The following MEF2C variants were observed in gnomAD, a reference collection of about 807,000 sequenced individuals.
The protein encoded by MEF2C is myocyte enhancer factor 2C, also known as myocyte-specific enhancer factor 2C.
MEF2C carries 6 observed loss-of-function variants against 50.5 expected under a neutral mutation model. The ratio of observed to expected loss-of-function variants is 0.12; its 90% CI spans 0.07 to 0.23. The LOEUF (loss-of-function observed/expected upper bound fraction) is 0.23, where lower values mean the gene tolerates loss of function less well. MEF2C is among the 10% of genes least tolerant of loss of function. The probability of loss-of-function intolerance (pLI) is 1.00; values close to 1 mark genes in which losing one functional copy is unlikely to be tolerated. For synonymous variants in MEF2C, 183 were observed against 228.0 expected, an observed-to-expected ratio of 0.80 and a Z score of 1.78; for missense variants, 276 against 605.0, an observed-to-expected ratio of 0.46 and a Z score of 5.70.
intron 1 of MEF2C, among the ~76,000 whole-genome samples, chr5:88,842,848 A>C (rs1817878903): frequency 6.6e-6 from 1 of 152,176 alleles, no homozygotes; most frequent in African/African-American, 2.4e-5. Flanking sequence ...TTAGGATCTC[A>C]ATAATTTGTG....
At chr5:88,742,599 A>G in intron 6 of MEF2C, 1 of 983,810 alleles carries the variant, frequency 1.0e-6, no homozygotes, top group Non-Finnish European at 1.2e-6. Flanking sequence ...CTCTCTAGGA[A>G]GTTATAACCT....
intron 2 of MEF2C, chr5:88,819,361 C>T (rs76466192): frequency 0.021 from 21,156 of 985,010 alleles, 258 homozygotes; most frequent in East Asian, 0.042. Context: ...AATCTTGAGC[C>T]AGTTATTTAG....
At chr5:88,872,963 A>G (rs886361797) in intron 1 of MEF2C, among the ~76,000 whole-genome samples, 3 of 151,980 alleles carry the variant, frequency 2.0e-5, no homozygotes, top group Admixed American at 2.0e-4. Context: ...GCTTGTTTAA[A>G]CGATCTTCTC....
chr5:88,891,645 C>T (rs1206791695), intron 1 of MEF2C, among the ~76,000 whole-genome samples: 3 of 152,008 alleles, frequency 2.0e-5, no homozygotes, highest in Admixed American at 6.6e-5. Context: ...CTCCTGACCT[C>T]GTGATCTGCC....
intron 6 of MEF2C, chr5:88,737,948 T>C: frequency 1.0e-6 from 1 of 985,184 alleles, no homozygotes; most frequent in Non-Finnish European, 1.2e-6. Flanking sequence ...ATGATGGCAG[T>C]GGAAAGGAGA....
chr5:88,863,726 T>G (rs1826270019), intron 1 of MEF2C, among the ~76,000 whole-genome samples: 1 of 152,202 alleles, frequency 6.6e-6, no homozygotes, highest in East Asian at 1.9e-4. Flanking sequence ...CACGTACAAA[T>G]GAGATCACAC....
In MEF2C at chr5:88,889,752, A is replaced by G. The variant is rs1008209033; in HGVS notation, c.-239-2154T>C. Among the ~76,000 whole-genome samples, 3 of 152,120 alleles carry G rather than the reference A, an allele frequency of 2.0e-5. No individual in the cohort carries two copies. The East Asian group carries it at 5.8e-4, about 29-fold the overall frequency. ...CGCAACGGCTGTGGGTGGACTGTGG[A>G]AACGGGCGGTGGCAGTGCCGGGGTA... is the stretch of plus-strand genomic sequence containing the variant. On this transcript the variant is annotated intron_variant, in intron 1 of 11. Transcript: ENST00000340208.
intron 4 of MEF2C, among the ~76,000 whole-genome samples, chr5:88,754,205 G>A (rs1774169200): frequency 6.6e-6 from 1 of 152,154 alleles, no homozygotes; most frequent in South Asian, 2.1e-4. Flanking sequence ...TTTTTATAGT[G>A]GCATCATCCT....
chr5:88,786,781 G>C (rs148232077), intron 3 of MEF2C, among the ~76,000 whole-genome samples: 14 of 152,244 alleles, frequency 9.2e-5, no homozygotes, highest in African/African-American at 2.4e-4. Context: ...TGGGAAAAAT[G>C]GTTCTCAGAT....
At chr5:88,884,508 T>C (rs1055603870), upstream of MEF2C, 5 of 152,184 alleles carry the variant, frequency 3.3e-5, no homozygotes, top group Non-Finnish European at 5.9e-5. Context: ...AGATCTCGAC[T>C]TCATCGCGGG....
chr5:88,859,056 G>A (rs1355816999), intron 1 of MEF2C, among the ~76,000 whole-genome samples: 3 of 152,142 alleles, frequency 2.0e-5, no homozygotes, highest in African/African-American at 7.2e-5. Context: ...TACTGGTTAT[G>A]GCAAACTTGA....
intron 1 of MEF2C, among the ~76,000 whole-genome samples, chr5:88,879,967 T>G (rs970602677): frequency 4.6e-5 from 7 of 151,998 alleles, no homozygotes; most frequent in Non-Finnish European, 8.8e-5. Context: ...CCTGGTTTTG[T>G]GAATCACCTC....
chr5:88,796,144 C>T (rs1487957472), intron 3 of MEF2C, among the ~76,000 whole-genome samples: 1 of 152,162 alleles, frequency 6.6e-6, no homozygotes, highest in African/African-American at 2.4e-5. Context: ...CAGGATGATG[C>T]TGGCCTCATA....
At chr5:88,783,051 T>C (rs995912767) in intron 3 of MEF2C, among the ~76,000 whole-genome samples, 3 of 152,222 alleles carry the variant, frequency 2.0e-5, no homozygotes, top group Non-Finnish European at 4.4e-5. Context: ...ACGTTTTTCA[T>C]CAATTGATAT....
intron 1 of MEF2C, among the ~76,000 whole-genome samples, chr5:88,839,848 T>C (rs1367808255): frequency 6.6e-6 from 1 of 152,180 alleles, no homozygotes; most frequent in Non-Finnish European, 1.5e-5. Flanking sequence ...TTAATATGAA[T>C]ATTTTGTGTT....
intron 3 of MEF2C, among the ~76,000 whole-genome samples, chr5:88,794,068 A>T (rs1794985883): frequency 6.6e-6 from 1 of 152,152 alleles, no homozygotes; most frequent in Admixed American, 6.5e-5. Flanking sequence ...GGTTGGTTCC[A>T]AGTCTTTGCT....
chr5:88,791,514 G>A (rs1793742771), intron 3 of MEF2C, among the ~76,000 whole-genome samples: 1 of 152,104 alleles, frequency 6.6e-6, no homozygotes, highest in Non-Finnish European at 1.5e-5. Flanking sequence ...TAATAACAGA[G>A]ACTAGAGGAA....
chr5:88,764,619 C>T (rs892497734), intron 3 of MEF2C, among the ~76,000 whole-genome samples: 3 of 151,914 alleles, frequency 2.0e-5, no homozygotes, highest in African/African-American at 7.3e-5. Flanking sequence ...CCAAGCCTGG[C>T]CAGCATGGTG....
rs368638782 is a variant in MEF2C, at chr5:88,791,888, G to A, written c.258+12710C>T. ...ATCTTTTTCCCCTTTTCCCTCAGAA[G>A]CCACAACATAGAAGGTTTAAATCTT... On this transcript the variant is annotated intron_variant, in intron 3 of 10. Transcript: ENST00000504921. Among the ~76,000 whole-genome samples, 42 of 151,916 alleles carry A rather than the reference G, an allele frequency of 2.8e-4. No individual in the cohort carries two copies. In the South Asian group the frequency reaches 6.5e-3, roughly 23 times the overall value.
Sources: gnomAD v4.1 joint callset for allele counts (sites outside exome capture counted in the v4.1 genomes callset) on GRCh38, gnomAD v4.1.1 for gene constraint, MANE v1.5 for transcripts, NCBI Gene and HGNC (gene_info 2026-07-23, HGNC 2026-07-21) for gene names.